RABGAP1L: variants seen among roughly 807,000 people sequenced by gnomAD.
RABGAP1L encodes RAB GTPase activating protein 1 like.
A neutral mutation model predicts 137.7 loss-of-function variants in RABGAP1L; 63 were observed. The ratio of observed to expected loss-of-function variants is 0.46; its 90% CI spans 0.37 to 0.56. The LOEUF (loss-of-function observed/expected upper bound fraction) is 0.56. Among genes scored for constraint, RABGAP1L ranks in the 20% least tolerant of loss-of-function variants. The pLI, the probability that RABGAP1L is intolerant of heterozygous loss-of-function variation, is 0.00. For missense variants in RABGAP1L, 1,095 were observed against 1,244.0 expected (o/e 0.88, Z 1.80); for synonymous variants, 431 against 433.7 (o/e 0.99, Z 0.08).
At chr1:174,754,323 A>C (rs1558046988) in intron 18 of RABGAP1L, among the ~76,000 whole-genome samples, 1 of 152,206 alleles carries the variant, frequency 6.6e-6, no homozygotes, top group Non-Finnish European at 1.5e-5. Flanking sequence ...AGTGTACTTT[A>C]ATGATCTATT....
chr1:174,927,058 A>G (rs1197245983), intron 19 of RABGAP1L, among the ~76,000 whole-genome samples: 1 of 151,690 alleles, frequency 6.6e-6, no homozygotes, highest in Admixed American at 6.6e-5. Flanking sequence ...GGGTGACAGA[A>G]TAAGACTCCG....
At chr1:174,793,201 A>G (rs556970510) in intron 18 of RABGAP1L, among the ~76,000 whole-genome samples, 10 of 152,130 alleles carry the variant, frequency 6.6e-5, no homozygotes, top group Non-Finnish European at 1.5e-4. Flanking sequence ...TCTACAGACC[A>G]TAAGACATTC....
intron 20 of RABGAP1L, among the ~76,000 whole-genome samples, chr1:174,967,013 G>C (rs1669685839): frequency 6.6e-6 from 1 of 151,842 alleles, no homozygotes; most frequent in African/African-American, 2.4e-5. Flanking sequence ...ATTTTTAAAA[G>C]AACAAGGACA....
chr1:174,443,988 A>C (rs1036349253), intron 13 of RABGAP1L, among the ~76,000 whole-genome samples: 1 of 151,952 alleles, frequency 6.6e-6, no homozygotes, highest in Admixed American at 6.6e-5. Flanking sequence ...TAGGTTGACT[A>C]TAAATGTGTA....
At chr1:174,487,415 A>T (rs1221438724) in intron 13 of RABGAP1L, among the ~76,000 whole-genome samples, 1 of 152,072 alleles carries the variant, frequency 6.6e-6, no homozygotes, top group Non-Finnish European at 1.5e-5. Context: ...TTGTCTTGAA[A>T]TCTATTTTGT....
intron 19 of RABGAP1L, among the ~76,000 whole-genome samples, chr1:174,839,643 C>A (rs1346861225): frequency 6.6e-6 from 1 of 152,188 alleles, no homozygotes; most frequent in Admixed American, 6.5e-5. Flanking sequence ...TGGAAATGTG[C>A]ATTTAGCAAA....
At chr1:174,690,687 A>C (rs1678805403) in intron 15 of RABGAP1L, among the ~76,000 whole-genome samples, 1 of 152,198 alleles carries the variant, frequency 6.6e-6, no homozygotes, top group African/African-American at 2.4e-5. Flanking sequence ...ATTGACATTC[A>C]ATTTAAATGT....
chr1:174,972,853 CAAAAAAAA>C (rs373159573), intron 21 of RABGAP1L, among the ~76,000 whole-genome samples: 41 of 52,812 alleles, frequency 7.8e-4, no homozygotes, highest in Middle Eastern at 0.01. Flanking sequence ...GACTCTGTCT[CAAAAAAAA>C]AAAAAAAAAA....
intron 11 of RABGAP1L, among the ~76,000 whole-genome samples, chr1:174,355,812 A>G (rs957157361): frequency 6.6e-6 from 1 of 152,170 alleles, no homozygotes; most frequent in African/African-American, 2.4e-5. Flanking sequence ...TCAGAATGAC[A>G]GTGATGATGC....
chr1:174,528,359 A>G (rs1664098503), intron 13 of RABGAP1L, among the ~76,000 whole-genome samples: 1 of 152,086 alleles, frequency 6.6e-6, no homozygotes, highest in Non-Finnish European at 1.5e-5. Context: ...TTCCAGGTTT[A>G]GGACTCCCTT....
At chr1:174,924,360 G>A (rs895302460) in intron 19 of RABGAP1L, among the ~76,000 whole-genome samples, 3 of 138,886 alleles carry the variant, frequency 2.2e-5, no homozygotes, top group African/African-American at 8.2e-5. Flanking sequence ...GCACTCCAAT[G>A]TGGTGACAGA....
intron 14 of RABGAP1L, among the ~76,000 whole-genome samples, chr1:174,655,167 C>T (rs929297737): frequency 6.6e-6 from 1 of 152,140 alleles, no homozygotes; most frequent in Non-Finnish European, 1.5e-5. Context: ...TCTACATAAT[C>T]ATAATGCAAC....
chr1:174,329,014 T>A (rs1275794349), intron 11 of RABGAP1L, among the ~76,000 whole-genome samples: 3 of 131,872 alleles, frequency 2.3e-5, no homozygotes, highest in Admixed American at 7.3e-5. Context: ...AGAGCAAATA[T>A]AAATGAAATA....
At chr1:174,384,687 C>G (rs536426166) in intron 12 of RABGAP1L, among the ~76,000 whole-genome samples, 2 of 152,250 alleles carry the variant, frequency 1.3e-5, no homozygotes, top group East Asian at 3.9e-4. Context: ...TAACTTCTCT[C>G]TTCTTATCCT....
intron 17 of RABGAP1L, among the ~76,000 whole-genome samples, chr1:174,750,310 G>A (rs778065792): frequency 6.6e-6 from 1 of 152,114 alleles, no homozygotes; most frequent in Non-Finnish European, 1.5e-5. Context: ...TCCAAAGGGA[G>A]GAGAGTATAA....
At chr1:174,888,258 A>G (rs1377335496) in intron 19 of RABGAP1L, among the ~76,000 whole-genome samples, 1 of 152,198 alleles carries the variant, frequency 6.6e-6, no homozygotes, top group Admixed American at 6.5e-5. Flanking sequence ...ATTATTGGCT[A>G]CATTTATAAT....
At chr1:174,597,178 C>CT (rs1219401284) in intron 13 of RABGAP1L, among the ~76,000 whole-genome samples, 3 of 151,894 alleles carry the variant, frequency 2.0e-5, no homozygotes, top group African/African-American at 7.3e-5. Flanking sequence ...CTGGAATTTT[C>CT]TTTTTTTGAT....
intron 16 of RABGAP1L, among the ~76,000 whole-genome samples, chr1:174,700,209 C>A (rs1679545707): frequency 6.6e-6 from 1 of 152,116 alleles, no homozygotes; most frequent in Non-Finnish European, 1.5e-5. Context: ...CCAAATATTA[C>A]ACAGTAAAAA....
intron 19 of RABGAP1L, among the ~76,000 whole-genome samples, chr1:174,847,695 A>G (rs1198490308): frequency 7.7e-6 from 1 of 130,066 alleles, no homozygotes; most frequent in African/African-American, 3.0e-5. Flanking sequence ...TGAATCTGAC[A>G]ATTATGTGTC....
Sources: allele counts gnomAD v4.1 joint callset (sites outside exome capture counted in the v4.1 genomes callset), GRCh38; gene constraint gnomAD v4.1.1; transcripts MANE v1.5; gene names NCBI Gene and HGNC (gene_info 2026-07-23, HGNC 2026-07-21).